The following CA5A variants were observed in gnomAD, a reference collection of about 807,000 sequenced individuals.
CA5A encodes the protein carbonic anhydrase 5A.
CA5A carries 28 observed loss-of-function variants against 37.1 expected under a neutral mutation model. That is an observed-to-expected ratio of 0.75 (90% confidence interval 0.56 to 1.03). CA5A has a LOEUF of 1.03. Ranked by LOEUF, CA5A falls within the 50% of genes least tolerant of loss-of-function variation. CA5A has a pLI of 0.00. For synonymous variants in CA5A, 171 were observed against 158.4 expected, an observed-to-expected ratio of 1.08 and a Z score of -0.60; for missense variants, 444 against 399.9, an observed-to-expected ratio of 1.11 and a Z score of -0.94.
intron 2 of CA5A, among the ~76,000 whole-genome samples, chr16:87,925,304 G>A (rs772481885): frequency 3.3e-5 from 5 of 152,186 alleles, no homozygotes; most frequent in African/African-American, 9.7e-5. Context: ...TCAGCCACGC[G>A]AAGAGGTGTC....
chr16:87,912,581 G>C (rs2056066964), intron 2 of CA5A, among the ~76,000 whole-genome samples: 1 of 152,366 alleles, frequency 6.6e-6, no homozygotes, highest in Non-Finnish European at 1.5e-5. Flanking sequence ...CAGTACAAGG[G>C]ACAGAGGGAG....
intron 2 of CA5A, among the ~76,000 whole-genome samples, chr16:87,905,401 C>T (rs1004870360): frequency 2.6e-5 from 4 of 152,116 alleles, no homozygotes; most frequent in African/African-American, 9.7e-5. Flanking sequence ...ACTCTATTGC[C>T]CAGGCTGGAG....
At chr16:87,919,873 C>T (rs1217923918) in intron 2 of CA5A, among the ~76,000 whole-genome samples, 2 of 152,150 alleles carry the variant, frequency 1.3e-5, no homozygotes, top group Non-Finnish European at 2.9e-5. Flanking sequence ...ACTCCACTAT[C>T]GGTGACTGCA....
intron 2 of CA5A, among the ~76,000 whole-genome samples, chr16:87,907,723 AAGACC>A (rs1470688201): frequency 2.6e-5 from 4 of 152,128 alleles, no homozygotes; most frequent in Non-Finnish European, 5.9e-5. Flanking sequence ...TCAGGAATTC[AAGACC>A]AGCCTGACCA....
At chr16:87,884,770 A>G (rs978884621), downstream of CA5A, 67 of 151,954 alleles carry the variant, frequency 4.4e-4, no homozygotes, top group African/African-American at 1.6e-3. Context: ...CTGATTTTGG[A>G]TTTTTTCCAA....
intron 2 of CA5A, among the ~76,000 whole-genome samples, chr16:87,921,219 C>G (rs771843463): frequency 6.6e-6 from 1 of 152,184 alleles, no homozygotes; most frequent in African/African-American, 2.4e-5. Flanking sequence ...ATGACCACCG[C>G]GCCTGGCCAC....
intron 1 of CA5A, among the ~76,000 whole-genome samples, chr16:87,933,887 C>G (rs2056438536): frequency 6.6e-6 from 1 of 152,070 alleles, no homozygotes; most frequent in Non-Finnish European, 1.5e-5. Flanking sequence ...ATATTCTGCT[C>G]TTTGTGGAAC....
chr16:87,930,894 C>G (rs1471102025), intron 1 of CA5A, among the ~76,000 whole-genome samples: 1 of 151,980 alleles, frequency 6.6e-6, no homozygotes, highest in Non-Finnish European at 1.5e-5. Flanking sequence ...GCATGTGCCA[C>G]CACGCCTGGG....
intron 6 of CA5A, among the ~76,000 whole-genome samples, chr16:87,890,480 G>A (rs192258450): frequency 1.6e-4 from 25 of 152,282 alleles, no homozygotes; most frequent in African/African-American, 5.5e-4. Flanking sequence ...GTCGCGCTGC[G>A]ACTGCTGAGA....
At chr16:87,908,815 TCTG>T (rs1235189993) in intron 2 of CA5A, among the ~76,000 whole-genome samples, 6 of 151,940 alleles carry the variant, frequency 3.9e-5, no homozygotes, top group African/African-American at 1.2e-4. Context: ...TCCTTCTTCT[TCTG>T]CTTTTTCTTC....
At chr16:87,932,173 G>C (rs2056415873) in intron 1 of CA5A, among the ~76,000 whole-genome samples, 1 of 152,076 alleles carries the variant, frequency 6.6e-6, no homozygotes. Context: ...ACGGGAAGCA[G>C]GATTGAGTGC....
intron 2 of CA5A, among the ~76,000 whole-genome samples, chr16:87,913,813 A>G (rs2056088059): frequency 6.6e-6 from 1 of 152,248 alleles, no homozygotes; most frequent in Non-Finnish European, 1.5e-5. Flanking sequence ...CCAGCCTTGC[A>G]GGCTCGCTGA....
intron 2 of CA5A, among the ~76,000 whole-genome samples, chr16:87,921,882 T>TC (rs2056235938): frequency 6.6e-6 from 1 of 151,192 alleles, no homozygotes; most frequent in African/African-American, 2.4e-5. Context: ...ATTATTATTT[T>TC]TGAGAGACAG....
At chr16:87,913,820 C>G (rs74041830) in intron 2 of CA5A, among the ~76,000 whole-genome samples, 8,508 of 152,222 alleles carry the variant, frequency 0.056, 846 homozygotes, top group African/African-American at 0.19. Context: ...TGCAGGCTCG[C>G]TGAGTAGACC....
chr16:87,926,680 G>T, intron 2 of CA5A, 68 bp downstream of exon 2: 1 of 1,269,904 alleles, frequency 7.9e-7, no homozygotes, highest in Non-Finnish European at 1.1e-6. Context: ...CCTTCTCCGC[G>T]AAGCTCTTGA....
intron 2 of CA5A, among the ~76,000 whole-genome samples, chr16:87,920,895 G>A (rs2056221150): frequency 6.6e-6 from 1 of 152,158 alleles, no homozygotes; most frequent in South Asian, 2.1e-4. Flanking sequence ...CCAGGTTCAA[G>A]CGATTTTCCT....
chr16:87,936,277 T>A (rs1300288002), intron 1 of CA5A, 32 bp downstream of exon 1: 1 of 1,512,954 alleles, frequency 6.6e-7, no homozygotes, highest in African/African-American at 1.4e-5. Context: ...AAGGATCCAG[T>A]CGCATCTTAG....
intron 6 of CA5A, among the ~76,000 whole-genome samples, chr16:87,891,554 G>A (rs149726345): frequency 3.3e-5 from 5 of 152,244 alleles, no homozygotes; most frequent in African/African-American, 4.8e-5. Flanking sequence ...TGGATGCCTC[G>A]TGTGTCTGTG....
intron 2 of CA5A, among the ~76,000 whole-genome samples, chr16:87,908,135 C>G (rs1039960470): frequency 2.0e-5 from 3 of 152,158 alleles, no homozygotes; most frequent in African/African-American, 7.2e-5. Flanking sequence ...ACAGTGGAAT[C>G]GAGCCTTTCC....
Sources: gnomAD v4.1 joint callset for allele counts (sites outside exome capture counted in the v4.1 genomes callset) on GRCh38, gnomAD v4.1.1 for gene constraint, MANE v1.5 for transcripts, NCBI Gene and HGNC (gene_info 2026-07-23, HGNC 2026-07-21) for gene names.